ZNF470: variants seen among roughly 807,000 people sequenced by gnomAD.
ZNF470 encodes chondrogenesis zinc finger protein 1.
A neutral mutation model predicts 13.9 loss-of-function variants in ZNF470; 13 were observed. That is an observed-to-expected ratio of 0.94 (90% CI 0.61 to 1.49). ZNF470 has a LOEUF of 1.49. ZNF470 is among the 40% of genes most tolerant of loss of function. ZNF470 has a pLI of 0.00. For missense variants in ZNF470, 929 were observed against 857.3 expected (o/e 1.08, Z -1.04); for synonymous variants, 293 against 282.9 (o/e 1.04, Z -0.36).
Position 56,570,324 on chromosome 19 carries a change from G to A in ZNF470, c.13G>A (p.Glu5Lys), listed in dbSNP as rs1397854240. MKSQEEVEVAGIKLC... is the reference protein window; with the variant it reads MKSQKEVEVAGIKLC... ...AGCTCTTCTCCAAATGAAGAGCCAGGAAGAGGTAGAGGTGGCAGGAATTAA... is the reference window on the plus strand; with the variant it reads ...AGCTCTTCTCCAAATGAAGAGCCAGAAAGAGGTAGAGGTGGCAGGAATTAA... The change falls in exon 3 of 6, where the codon GAA (glutamate) becomes AAA (lysine). Residue 5 changes from glutamate to lysine, a missense_variant. Coordinates refer to ENST00000330619, the MANE Select transcript of ZNF470 (RefSeq NM_001001668.4). 4.3e-6 allele frequency: 7 copies of A among 1,614,048 alleles called. No individual in the cohort carries two copies. The highest frequency in any genetic ancestry group is 1.3e-5 in the African/African-American group (1 of 74,912).
chr19:56,579,354 A>C lies in ZNF470; in HGVS notation c.*771A>C. The C allele has an allele frequency of 1.3e-6, 1 of 779,446 alleles. No homozygotes were observed. Among genetic ancestry groups the C allele is most frequent in the Non-Finnish European group, 1.6e-6 (1 of 642,108 alleles). The allele number at this position is 779,446 out of a possible 1,614,324, so 48.3% of individuals were successfully genotyped here. ...GGAGGATTGCTTGAGCCCAGGAGGT[A>C]GAGGTTGCAGTGAGTCATGATCACA... On this transcript the variant is annotated 3_prime_UTR_variant, in exon 6 of 6. Transcript: ENST00000330619.
At chr19:56,576,683 G>A (rs758283519) in intron 5 of ZNF470, 30 bp from the exon 6 acceptor site, 8 of 1,368,440 alleles carry the variant, frequency 5.8e-6, no homozygotes, top group Admixed American at 2.8e-5. Context: ...ATTTAATAAA[G>A]GAGACATTTA....
intron 3 of ZNF470, among the ~76,000 whole-genome samples, chr19:56,570,602 A>T (rs2044445332): frequency 6.6e-6 from 1 of 152,112 alleles, no homozygotes; most frequent in South Asian, 2.1e-4. Context: ...TTTTTCATTC[A>T]GGAAATGACC....
intron 3 of ZNF470, among the ~76,000 whole-genome samples, chr19:56,570,846 T>C (rs962457800): frequency 3.3e-5 from 5 of 152,190 alleles, no homozygotes; most frequent in Non-Finnish European, 5.9e-5. Context: ...TAATAGCCCA[T>C]ATGATGTCTT....
Position 56,578,290 on chromosome 19 carries a change from T to A in ZNF470, c.1861T>A (p.Tyr621Asn). Residue 621 changes from tyrosine (Y) to asparagine (N), a missense_variant, in exon 6 of 6, where the codon TAT becomes AAT. Coordinates refer to ENST00000330619, the MANE Select transcript of ZNF470 (RefSeq NM_001001668.4). ...GAGATGTCATACTGGTGAGAAACCT[T>A]ATGAATGTAATGTTTGTGGGAAAGC... ...HQRCHTGEKP[Y>N]ECNVCGKAFS... 6.2e-7 allele frequency: 1 copy of A among 1,613,362 alleles called. No homozygotes were observed. The highest frequency in any genetic ancestry group is 8.5e-7 in the Non-Finnish European group (1 of 1,179,674).
chr19:56,570,686 A>G (rs1198419431), intron 3 of ZNF470, among the ~76,000 whole-genome samples: 1 of 152,290 alleles, frequency 6.6e-6, no homozygotes, highest in East Asian at 1.9e-4. Flanking sequence ...CCTCAGAGGA[A>G]ATTTCCATGC....
chr19:56,574,145 C>T lies in ZNF470; in HGVS notation c.61-249C>T, dbSNP rs1005970574. 3.5e-5 allele frequency: 22 copies of T among 627,654 alleles called. No homozygotes were observed. In the East Asian group the frequency reaches 4.0e-4, roughly 11 times the overall value. The allele number at this position is 627,654 out of a possible 1,614,324, so 38.9% of individuals were successfully genotyped here. On this transcript the variant is annotated intron_variant, in intron 3 of 5. Coordinates refer to ENST00000330619, the MANE Select transcript of ZNF470 (RefSeq NM_001001668.4). ...CATTTTTTCATTGGTAATGTATTCT[C>T]GCCACCTAGAATTGCAAATGTTTGA...
rs1319418418 is a variant in ZNF470 at position 56,577,776 on chromosome 19, A to G, written c.1347A>G (p.Gly449=). The G allele has an allele frequency of 6.2e-7, 1 of 1,613,874 alleles. No homozygotes were observed. The highest frequency in any genetic ancestry group is 1.7e-5 in the Admixed American group (1 of 60,000). The change falls in exon 6 of 6, where the codon GGA becomes GGG. Residue 449 remains glycine, a synonymous_variant. Coordinates refer to ENST00000330619, the MANE Select transcript of ZNF470 (RefSeq NM_001001668.4). The part of the protein sequence containing the change: ...SLTVHQRIHT[G]EKPYECNICE... ...CAGTACATCAGAGAATTCATACAGG[A>G]GAGAAACCTTATGAATGCAATATCT...
intron 5 of ZNF470, among the ~76,000 whole-genome samples, chr19:56,576,183 G>T (rs1229507638): frequency 6.6e-6 from 1 of 151,966 alleles, no homozygotes; most frequent in Non-Finnish European, 1.5e-5. Flanking sequence ...TATTCTAGAA[G>T]AATATAATAA....
intron 3 of ZNF470, among the ~76,000 whole-genome samples, chr19:56,571,822 T>G (rs1293373455): frequency 2.7e-5 from 4 of 150,616 alleles, no homozygotes; most frequent in Non-Finnish European, 1.5e-5. Context: ...TTCACCATGT[T>G]GGCCAGGCTA....
Position 56,581,167 on chromosome 19 carries a change from A to G in ZNF470, c.*2584A>G, listed in dbSNP as rs768524333. ...TCGTGATATTCAAAGTACTATTACA[A>G]ACCAATAATAATCTGCAACTTAGAA... On this transcript the variant is annotated 3_prime_UTR_variant, in exon 6 of 6. Coordinates refer to ENST00000330619, the MANE Select transcript of ZNF470 (RefSeq NM_001001668.4). 1 of 790,318 alleles carries G rather than the reference A, an allele frequency of 1.3e-6. No individual in the cohort carries two copies. Among genetic ancestry groups the G allele is most frequent in the African/African-American group, 1.9e-5 (1 of 53,042 alleles). 49.0% of individuals were successfully genotyped at this position (790,318 alleles called of 1,614,324 possible). A position where few individuals can be genotyped will look rare whatever the true frequency, so the allele number is the denominator to read the frequency against.
chr19:56,571,321 TTGAATTTTTG>T (rs1356743028), intron 3 of ZNF470, among the ~76,000 whole-genome samples: 9 of 152,258 alleles, frequency 5.9e-5, no homozygotes, highest in African/African-American at 2.2e-4. Context: ...ATTCTTGTAG[TTGAATTTTTG>T]CCCTCATCTC....
At chr19:56,574,250 C>G in intron 3 of ZNF470, 144 bp from the exon 4 acceptor site, 2 of 1,314,524 alleles carry the variant, frequency 1.5e-6, no homozygotes, top group African/African-American at 2.9e-5. Context: ...AATAACTTAC[C>G]TGACCCGGAT....
chr19:56,576,988 T>C lies in ZNF470; in HGVS notation c.559T>C (p.Ser187Pro), dbSNP rs1369945538. The C allele has an allele frequency of 6.3e-7, 1 of 1,588,506 alleles. No individual in the cohort carries two copies. The highest frequency in any genetic ancestry group is 8.5e-7 in the Non-Finnish European group (1 of 1,172,220). ...SGTVFHLNTLSYIKQIFPMEE... is the reference protein window; with the variant it reads ...SGTVFHLNTLPYIKQIFPMEE... ...GACAGTTTTTCATCTGAATACATTA[T>C]CTTATATAAAACAGATTTTTCCCAT... is the stretch of plus-strand genomic sequence containing the variant. The change falls in exon 6 of 6, where the codon TCT (serine) becomes CCT (proline). Residue 187 changes from serine to proline, a missense_variant. Physicochemically the swap from Ser to Pro is moderately conservative, Grantham distance 74 (BLOSUM62 -1). Coordinates refer to ENST00000330619, the MANE Select transcript of ZNF470 (RefSeq NM_001001668.4).
intron 3 of ZNF470, among the ~76,000 whole-genome samples, chr19:56,572,944 AGTGCAACAGAAATGGGAAATATTAT>A (rs2044465606): frequency 3.3e-5 from 5 of 152,212 alleles, no homozygotes; most frequent in Non-Finnish European, 5.9e-5. Context: ...GGGTGAAGGA[AGTGCAACAGAAATGGGAAATATTAT>A]ATGTAAATAC....
At chr19:56,573,887 T>A (rs1165204954) in intron 3 of ZNF470, 1 of 773,254 alleles carries the variant, frequency 1.3e-6, no homozygotes, top group Non-Finnish European at 1.6e-6. Flanking sequence ...TATAGCTAGG[T>A]GTTTTTTTCC....
chr19:56,578,972 A>G lies in ZNF470; in HGVS notation c.*389A>G. On this transcript the variant is annotated 3_prime_UTR_variant, in exon 6 of 6. Coordinates refer to ENST00000330619, the MANE Select transcript of ZNF470 (RefSeq NM_001001668.4). ...ACTAAGATTTTAGAGCAGACAGAAG[A>G]CTACTCTCCTGGTAGAGAGGAAAGA... 1 of 996,238 alleles carries G rather than the reference A, an allele frequency of 1.0e-6. No homozygotes were observed. The highest frequency in any genetic ancestry group is 1.2e-6 in the Non-Finnish European group (1 of 837,520). 61.7% of individuals were successfully genotyped at this position (996,238 alleles called of 1,614,324 possible).
At position 56,579,393 on chromosome 19, in the gene ZNF470, A is replaced by T; in HGVS notation, c.*810A>T. On this transcript the variant is annotated 3_prime_UTR_variant, in exon 6 of 6. Transcript: ENST00000330619. ...GTCATGATCACACCACTGCAATTCC[A>T]GCTGGGCAGCAGAGCCAGACACTGT... 1.0e-6 allele frequency: 1 copy of T among 963,736 alleles called. No homozygotes were observed. The highest frequency in any genetic ancestry group is 4.8e-5 in the South Asian group (1 of 20,872). 59.7% of individuals were successfully genotyped at this position (963,736 alleles called of 1,614,324 possible).
At position 56,574,402 on chromosome 19, in the gene ZNF470, G is replaced by C; in HGVS notation, c.69G>C (p.Val23=). 6.2e-7 allele frequency: 1 copy of C among 1,613,718 alleles called. No homozygotes were observed. The change falls in exon 4 of 6, where the codon GTG becomes GTC. Residue 23 remains valine (V), a synonymous_variant. Transcript: ENST00000330619. ...KLCKAMSLGS[V]TFTDVAIDFS... Reference sequence around the variant, plus strand: ...TATTTGTGTCATTTTAGGGTTCAGTGACTTTCACAGATGTGGCCATAGACT... The same window carrying C: ...TATTTGTGTCATTTTAGGGTTCAGTCACTTTCACAGATGTGGCCATAGACT...
Sources: gnomAD v4.1 joint callset for allele counts (sites outside exome capture counted in the v4.1 genomes callset) on GRCh38, gnomAD v4.1.1 for gene constraint, MANE v1.5 for transcripts, NCBI Gene and HGNC (gene_info 2026-07-23, HGNC 2026-07-21) for gene names.